Variants in PHF14 observed in about 807,000 individuals in gnomAD.
PHF14 encodes PHD finger protein 14.
Under a neutral mutation model 117.9 loss-of-function variants are expected in PHF14, and 55 were observed. That is an observed-to-expected ratio of 0.47 (90% CI 0.38 to 0.58). The LOEUF is 0.58. Ranked by LOEUF, PHF14 falls within the 20% of genes least tolerant of loss-of-function variation. The pLI, the probability that PHF14 is intolerant of heterozygous loss-of-function variation, is 0.00. For synonymous variants in PHF14, 409 were observed against 368.6 expected, an observed-to-expected ratio of 1.11 and a Z score of -1.26; for missense variants, 978 against 1,122.2, an observed-to-expected ratio of 0.87 and a Z score of 1.84.
At chr7:11,000,721 T>G (rs1782835301) in intron 4 of PHF14, among the ~76,000 whole-genome samples, 1 of 152,192 alleles carries the variant, frequency 6.6e-6, no homozygotes, top group African/African-American at 2.4e-5. Context: ...TGTTTTCTTA[T>G]TGTTAAGTTT....
chr7:11,021,107 G>GTA (rs540707115), intron 5 of PHF14, among the ~76,000 whole-genome samples: 1 of 152,164 alleles, frequency 6.6e-6, no homozygotes, highest in Non-Finnish European at 1.5e-5. Flanking sequence ...CTTTTGAGAA[G>GTA]TATCACTCTA....
intron 17 of PHF14, among the ~76,000 whole-genome samples, chr7:11,122,331 TTATA>T (rs146463909): frequency 7.1e-5 from 6 of 84,052 alleles, no homozygotes; most frequent in East Asian, 4.7e-4. Context: ...TTTGTACTTT[TTATA>T]TATATATATA....
chr7:11,107,555 A>G, intron 16 of PHF14: 1 of 877,400 alleles, frequency 1.1e-6, no homozygotes, highest in Non-Finnish European at 1.4e-6. Context: ...AGAGGCTTAA[A>G]TGATACTTCT....
chr7:11,007,023 A>G, intron 4 of PHF14: 1 of 314,300 alleles, frequency 3.2e-6, no homozygotes, highest in East Asian at 8.1e-5. Context: ...TAAAAATACA[A>G]AAAATTTGCC....
intron 17 of PHF14, among the ~76,000 whole-genome samples, chr7:11,122,352 T>TATATATATATACACACACACAC: frequency 4.6e-5 from 3 of 65,858 alleles, no homozygotes; most frequent in East Asian, 5.9e-4. Flanking sequence ...TATATATATA[T>TATATATATATACACACACACAC]ACACACACAC....
intron 16 of PHF14, among the ~76,000 whole-genome samples, chr7:11,088,345 T>C (rs1294746855): frequency 6.6e-6 from 1 of 152,082 alleles, no homozygotes; most frequent in Non-Finnish European, 1.5e-5. Context: ...AACCTGCAGA[T>C]ATGGAGGGCA....
intron 4 of PHF14, among the ~76,000 whole-genome samples, chr7:10,992,437 C>T (rs1410566220): frequency 5.3e-5 from 8 of 150,394 alleles, no homozygotes; most frequent in Non-Finnish European, 1.0e-4. Context: ...CCGAGGCGGG[C>T]GGATCACCTG....
chr7:11,141,922 A>AT lies in PHF14; in HGVS notation c.2773-27493dup, dbSNP rs1189083467. On this transcript the variant is annotated intron_variant, in intron 17 of 17. Coordinates refer to ENST00000634607, the MANE Select transcript of PHF14 (RefSeq NM_001007157.2). ...GCTTCTGTGAGAGAAAAATACTAGC[A>AT]TATCTTCCTCAAATTATCAAAATAT... is the stretch of plus-strand genomic sequence containing the variant. Among the ~76,000 whole-genome samples, 8 of 152,002 alleles carry AT rather than the reference A, an allele frequency of 5.3e-5. No homozygotes were observed. The East Asian group carries it at 1.5e-3, about 29-fold the overall frequency.
chr7:11,105,053 A>T (rs1787213977), intron 16 of PHF14: 2 of 897,358 alleles, frequency 2.2e-6, no homozygotes, highest in Non-Finnish European at 2.7e-6. Flanking sequence ...TTTTACACTG[A>T]CTATGGAAAC....
rs218965 is a variant in PHF14 at position 10,982,937 on chromosome 7, G to A, written c.678G>A (p.Ala226=). The A allele has an allele frequency of 0.65, 1,035,826 of 1,604,266 alleles. 337,230 individuals carry two copies. Among genetic ancestry groups the A allele is most frequent in the African/African-American group, 0.81 (60,465 of 74,872 alleles). Reference sequence around the variant, plus strand: ...TAGTAAAGAGAAAAGGGAGATCTGCGTCTCAGAAAGAGGGAAGTGATGGAG... The same window carrying A: ...TAGTAAAGAGAAAAGGGAGATCTGCATCTCAGAAAGAGGGAAGTGATGGAG... The part of the protein sequence containing the change: ...PTVVKRKGRS[A]SQKEGSDGDN... Residue 226 remains alanine, a synonymous_variant, in exon 3 of 18, where the codon GCG becomes GCA. Coordinates refer to ENST00000634607, the MANE Select transcript of PHF14 (RefSeq NM_001007157.2).
intron 17 of PHF14, among the ~76,000 whole-genome samples, chr7:11,154,969 GA>G (rs925232364): frequency 6.6e-5 from 10 of 150,502 alleles, no homozygotes; most frequent in Non-Finnish European, 8.9e-5. Context: ...TATTTAGCTA[GA>G]AAAAAAAAGC....
chr7:11,070,450 A>G (rs1165976113), intron 16 of PHF14, among the ~76,000 whole-genome samples: 2 of 152,174 alleles, frequency 1.3e-5, no homozygotes, highest in Non-Finnish European at 2.9e-5. Flanking sequence ...TGTCAGCACC[A>G]TGGTATTTTC....
intron 17 of PHF14, among the ~76,000 whole-genome samples, chr7:11,122,109 G>T (rs1362989852): frequency 6.6e-6 from 1 of 151,314 alleles, no homozygotes; most frequent in Non-Finnish European, 1.5e-5. Context: ...AGAACATGGG[G>T]TGTTTGGTTT....
rs188478373 is a variant in PHF14, at chr7:10,980,868, A to T, written c.113-1504A>T. Among the ~76,000 whole-genome samples, 565 of 152,284 alleles carry T rather than the reference A, an allele frequency of 3.7e-3. 2 individuals carry two copies. The highest frequency in any genetic ancestry group is 6.2e-3 in the Admixed American group (95 of 15,298). Reference sequence around the variant, plus strand: ...GAATTCTGAAACACATCTGGTTCTTAAAGTTTCAGATAGGGAATTGCTGAC... The same window carrying T: ...GAATTCTGAAACACATCTGGTTCTTTAAGTTTCAGATAGGGAATTGCTGAC... On this transcript the variant is annotated intron_variant, in intron 2 of 17. Transcript: ENST00000634607.
At chr7:11,149,396 G>C (rs1788644358) in intron 17 of PHF14, among the ~76,000 whole-genome samples, 3 of 152,026 alleles carry the variant, frequency 2.0e-5, no homozygotes, top group Non-Finnish European at 4.4e-5. Flanking sequence ...CCCTGGGGAA[G>C]TTCATTATGT....
At chr7:11,020,103 C>G (rs571726309) in intron 5 of PHF14, among the ~76,000 whole-genome samples, 1 of 150,378 alleles carries the variant, frequency 6.6e-6, no homozygotes, top group Non-Finnish European at 1.5e-5. Flanking sequence ...TTTTTTTTTC[C>G]AATCAGACGG....
rs1231656287 is a variant in PHF14, at chr7:10,982,832, T to G, written c.573T>G (p.Leu191=). The change falls in exon 3 of 18, where the codon CTT becomes CTG. Residue 191 remains leucine (L), a synonymous_variant. Coordinates refer to ENST00000634607, the MANE Select transcript of PHF14 (RefSeq NM_001007157.2). ...KKWNLRRNRP[L]LDFVSMEELN... Reference sequence around the variant, plus strand: ...GGAACCTTCGACGAAACCGACCACTTCTGGATTTTGTGTCCATGGAAGAGC... The same window carrying G: ...GGAACCTTCGACGAAACCGACCACTGCTGGATTTTGTGTCCATGGAAGAGC... 1 of 1,613,892 alleles carries G rather than the reference T, an allele frequency of 6.2e-7. No individual in the cohort carries two copies. Among genetic ancestry groups the G allele is most frequent in the Admixed American group, 1.7e-5 (1 of 60,006 alleles).
At chr7:11,011,796 C>A (rs1464351454) in intron 4 of PHF14, among the ~76,000 whole-genome samples, 4 of 152,120 alleles carry the variant, frequency 2.6e-5, no homozygotes, top group African/African-American at 9.7e-5. Flanking sequence ...TAGTGTATGT[C>A]CACTACCATT....
In PHF14 at chr7:10,974,241, C is replaced by A. The variant is rs1453324692; in HGVS notation, c.-83C>A. ...GCATCTTTCGGACTTGTCTTCGCGG[C>A]CCCAGTCCCCGACCTCGGCGCTGCC... On this transcript the variant is annotated 5_prime_UTR_variant, in exon 1 of 18. Coordinates refer to ENST00000634607, the MANE Select transcript of PHF14 (RefSeq NM_001007157.2). 6.7e-6 allele frequency: 8 copies of A among 1,199,684 alleles called. No homozygotes were observed. In the South Asian group the frequency reaches 7.8e-5, roughly 12 times the overall value. The allele number at this position is 1,199,684 out of a possible 1,614,324, so 74.3% of individuals were successfully genotyped here.
Sources: allele counts gnomAD v4.1 joint callset (sites outside exome capture counted in the v4.1 genomes callset), GRCh38; gene constraint gnomAD v4.1.1; transcripts MANE v1.5; gene names NCBI Gene and HGNC (gene_info 2026-07-23, HGNC 2026-07-21).